The following VPS54 variants were observed in gnomAD, a reference collection of about 807,000 sequenced individuals.
The protein encoded by VPS54 is vacuolar protein sorting-associated protein 54.
Under a neutral mutation model 121.5 loss-of-function variants are expected in VPS54, and 45 were observed. That is an observed-to-expected ratio of 0.37 (90% CI 0.29 to 0.47). The LOEUF (loss-of-function observed/expected upper bound fraction) is 0.47, where lower values mean the gene tolerates loss of function less well. Ranked by LOEUF, VPS54 falls within the 20% of genes least tolerant of loss-of-function variation. The pLI is 0.99. For synonymous variants in VPS54, 371 were observed against 385.8 expected, an observed-to-expected ratio of 0.96 and a Z score of 0.45; for missense variants, 1,090 against 1,131.4, an observed-to-expected ratio of 0.96 and a Z score of 0.52.
chr2:63,992,162 T>G (rs1677354777), intron 1 of VPS54, among the ~76,000 whole-genome samples: 1 of 152,180 alleles, frequency 6.6e-6, no homozygotes, highest in Non-Finnish European at 1.5e-5. Context: ...CTCAATTGCT[T>G]TTACTACTTA....
At chr2:63,942,251 CTTTT>C (rs561437440) in intron 11 of VPS54, among the ~76,000 whole-genome samples, 102 of 151,942 alleles carry the variant, frequency 6.7e-4, no homozygotes, top group African/African-American at 2.3e-3. Context: ...GAGCATATTT[CTTTT>C]TAAGTTATAA....
chr2:63,998,206 G>A (rs1324598351), intron 1 of VPS54, among the ~76,000 whole-genome samples: 1 of 152,026 alleles, frequency 6.6e-6, no homozygotes, highest in Non-Finnish European at 1.5e-5. Context: ...GACCTTCATT[G>A]TCTCTTCTTA....
At chr2:63,921,123 G>T in intron 13 of VPS54, 83 bp downstream of exon 13, 1 of 1,416,952 alleles carries the variant, frequency 7.1e-7, no homozygotes, top group Non-Finnish European at 9.5e-7. Context: ...ATGCATTATG[G>T]GGAACACAGG....
chr2:63,923,974 C>T (rs965602700), intron 12 of VPS54, among the ~76,000 whole-genome samples: 2 of 152,134 alleles, frequency 1.3e-5, no homozygotes, highest in Admixed American at 1.3e-4. Flanking sequence ...AATTCATTGC[C>T]CCTTTGGGTT....
chr2:63,966,552 G>A (rs1676012067), intron 5 of VPS54, among the ~76,000 whole-genome samples: 1 of 152,096 alleles, frequency 6.6e-6, no homozygotes, highest in South Asian at 2.1e-4. Flanking sequence ...ACAGCATTCA[G>A]TAGTTCAGCT....
chr2:63,912,045 T>TA (rs1673172786), intron 20 of VPS54, among the ~76,000 whole-genome samples: 1 of 152,174 alleles, frequency 6.6e-6, no homozygotes, highest in African/African-American at 2.4e-5. Context: ...TAGAATCATC[T>TA]CTCCTACTCC....
rs1676808663 is a variant in VPS54, at chr2:63,981,694, T to C, written c.330A>G (p.Pro110=). ...DTEVIPSFYL[P]QISKEHFTVY... ...CTGTAAAATGTTCCTTGCTGATCTGTGGGAGGTAGAATGAAGGTATGACTT... is the reference window on the plus strand; with the variant it reads ...CTGTAAAATGTTCCTTGCTGATCTGCGGGAGGTAGAATGAAGGTATGACTT... The change falls in exon 3 of 23, where the codon CCA becomes CCG. Residue 110 remains proline (P), a synonymous_variant. Transcript: ENST00000272322. The C allele has an allele frequency of 1.2e-6, 2 of 1,612,966 alleles. No individual in the cohort carries two copies. Among genetic ancestry groups the C allele is most frequent in the East Asian group, 4.5e-5 (2 of 44,822 alleles).
At chr2:64,005,089 C>T (rs369982279) in intron 1 of VPS54, among the ~76,000 whole-genome samples, 95 of 44,096 alleles carry the variant, frequency 2.2e-3, no homozygotes, top group African/African-American at 4.7e-3. Context: ...ACTATTGCTT[C>T]TTTTTTTTTT....
intron 1 of VPS54, among the ~76,000 whole-genome samples, chr2:64,013,768 A>G (rs1160087748): frequency 6.6e-6 from 1 of 150,488 alleles, no homozygotes; most frequent in African/African-American, 2.4e-5. Flanking sequence ...CACATTACTT[A>G]TTCTGAATAT....
rs764591008 is a variant in VPS54 at position 63,933,865 on chromosome 2, A to T, written c.1547T>A (p.Met516Lys). The T allele has an allele frequency of 3.1e-6, 5 of 1,613,720 alleles. No homozygotes were observed. The East Asian group carries it at 1.1e-4, about 36-fold the overall frequency. Residue 516 changes from methionine to lysine, a missense_variant, in exon 12 of 23, where the codon ATG (methionine) becomes AAG (lysine). Coordinates refer to ENST00000272322, the MANE Select transcript of VPS54 (RefSeq NM_016516.3). ...CTCACCGAATGCATCACTTATAAACATGCCTTCATGGATTAAATAAGCCAC... is the reference window on the plus strand; with the variant it reads ...CTCACCGAATGCATCACTTATAAACTTGCCTTCATGGATTAAATAAGCCAC... ...TEVAYLIHEG[M>K]FISDAFGEGE...
At chr2:64,005,851 A>C (rs1319562908) in intron 1 of VPS54, among the ~76,000 whole-genome samples, 1 of 152,202 alleles carries the variant, frequency 6.6e-6, no homozygotes, top group East Asian at 1.9e-4. Flanking sequence ...CAGACCCTAC[A>C]AGAGTCTGTG....
At chr2:64,012,835 C>T (rs973822356) in intron 1 of VPS54, among the ~76,000 whole-genome samples, 2 of 152,148 alleles carry the variant, frequency 1.3e-5, no homozygotes, top group Non-Finnish European at 2.9e-5. Context: ...AGCTGTCTTC[C>T]ATCTTCACCA....
At chr2:63,893,570 C>A (rs1672318117) in intron 22 of VPS54, 35 bp from the exon 23 acceptor site, 1 of 1,563,608 alleles carries the variant, frequency 6.4e-7, no homozygotes, top group Admixed American at 1.8e-5. Context: ...TTTTAAATCT[C>A]AAACTTTCTA....
At chr2:63,970,067 G>A (rs569359935) in intron 4 of VPS54, among the ~76,000 whole-genome samples, 1 of 151,414 alleles carries the variant, frequency 6.6e-6, no homozygotes, top group East Asian at 1.9e-4. Context: ...TCTGCACTTA[G>A]ACTCCATTCC....
At position 63,962,288 on chromosome 2, in the gene VPS54, T is replaced by C; in HGVS notation, c.780A>G (p.Ala260=). 1 of 1,614,070 alleles carries C rather than the reference T, an allele frequency of 6.2e-7. No individual in the cohort carries two copies. The highest frequency in any genetic ancestry group is 1.1e-5 in the South Asian group (1 of 91,078). Residue 260 remains alanine, a synonymous_variant, in exon 7 of 23, where the codon GCA becomes GCG. Transcript: ENST00000272322. ...QAVKMLRDKI[A]QIDKVMCEGS... ...CTTCACACATTACTTTATCAATCTG[T>C]GCAATTTTATCTCGAAGCATTTTTA... is the stretch of plus-strand genomic sequence containing the variant.
intron 20 of VPS54, 108 bp downstream of exon 20, chr2:63,912,237 A>G (rs1673180196): frequency 4.6e-6 from 5 of 1,079,888 alleles, no homozygotes; most frequent in African/African-American, 1.6e-5. Context: ...TAAATATCCT[A>G]TGAAAGTTTA....
At chr2:63,953,963 T>C (rs1053883786) in intron 7 of VPS54, among the ~76,000 whole-genome samples, 4 of 152,136 alleles carry the variant, frequency 2.6e-5, no homozygotes, top group Non-Finnish European at 4.4e-5. Context: ...ATACAAACAA[T>C]ATAGGACTTT....
At position 63,897,484 on chromosome 2, in the gene VPS54, TA is replaced by T; in HGVS notation, c.2828+11del. 6.4e-7 allele frequency: 1 copy of T among 1,551,840 alleles called. No homozygotes were observed. The highest frequency in any genetic ancestry group is 8.8e-7 in the Non-Finnish European group (1 of 1,137,742). On this transcript the variant is annotated intron_variant, in intron 22 of 22. Coordinates refer to ENST00000272322, the MANE Select transcript of VPS54 (RefSeq NM_016516.3). ...ATATGGGAGTATATGGTGAAAACGT[TA>T]AAAAACATACCCATTTTGAGGTCCT...
intron 1 of VPS54, among the ~76,000 whole-genome samples, chr2:64,011,480 C>T (rs141265058): frequency 3.9e-5 from 6 of 152,162 alleles, no homozygotes; most frequent in African/African-American, 7.2e-5. Flanking sequence ...GCAGAGCAAT[C>T]GCTTGAACAC....
Sources: allele counts gnomAD v4.1 joint callset (sites outside exome capture counted in the v4.1 genomes callset), GRCh38; gene constraint gnomAD v4.1.1; transcripts MANE v1.5; gene names NCBI Gene and HGNC (gene_info 2026-07-23, HGNC 2026-07-21).